Variants in ARVCF observed in about 807,000 individuals in gnomAD.
ARVCF encodes the protein splicing regulator ARVCF.
Under a neutral mutation model 90.9 loss-of-function variants are expected in ARVCF, and 66 were observed. That is an observed-to-expected ratio of 0.73 (90% CI 0.60 to 0.89). ARVCF has a LOEUF of 0.89. Ranked by LOEUF, ARVCF falls within the 40% of genes least tolerant of loss-of-function variation. The pLI, the probability that ARVCF is intolerant of heterozygous loss-of-function variation, is 0.00. For synonymous variants in ARVCF, 653 were observed against 603.4 expected (o/e 1.08, Z -1.21); for missense variants, 1,469 against 1,382.3 (o/e 1.06, Z -1.00).
At chr22:20,006,554 G>C (rs1271562103) in intron 2 of ARVCF, among the ~76,000 whole-genome samples, 3 of 139,052 alleles carry the variant, frequency 2.2e-5, no homozygotes, top group Non-Finnish European at 4.7e-5. Context: ...ACTCCAGCCT[G>C]GGCGGTAGAG....
intron 2 of ARVCF, among the ~76,000 whole-genome samples, chr22:20,008,356 C>A (rs1056217587): frequency 6.6e-6 from 1 of 152,222 alleles, no homozygotes; most frequent in Admixed American, 6.5e-5. Context: ...CCCGCCAGCC[C>A]TTCTCACTCA....
In ARVCF at chr22:19,970,769, C is replaced by T. The variant is rs376216779; in HGVS notation, c.*13-26G>A. 1,052 of 1,291,976 alleles carry T rather than the reference C, an allele frequency of 8.1e-4. 1 individual carries two copies. Among genetic ancestry groups the T allele is most frequent in the East Asian group, 5.0e-3 (91 of 18,096 alleles). The allele number at this position is 1,291,976 out of a possible 1,614,324, so 80.0% of individuals were successfully genotyped here. A position where few individuals can be genotyped will look rare whatever the true frequency, so the allele number is the denominator to read the frequency against. On this transcript the variant is annotated intron_variant, in intron 19 of 19. Coordinates refer to ENST00000263207, the MANE Select transcript of ARVCF (RefSeq NM_001670.3). ...CTGCAGAGGGAAAGGGGATGGTGGA[C>T]GCTGCAGCCACTGAGTGGCACAGGA...
chr22:19,982,823 C>T (rs1196434051), intron 3 of ARVCF, among the ~76,000 whole-genome samples: 1 of 152,218 alleles, frequency 6.6e-6, no homozygotes, highest in Non-Finnish European at 1.5e-5. Context: ...GACTGAGACT[C>T]TGGGCATCAT....
intron 2 of ARVCF, among the ~76,000 whole-genome samples, chr22:19,999,371 G>C (rs1040464107): frequency 6.6e-6 from 1 of 152,194 alleles, no homozygotes; most frequent in African/African-American, 2.4e-5. Flanking sequence ...CCCAGGGAGA[G>C]ATCCATCCTT....
In ARVCF at chr22:19,981,444, G is replaced by T. The variant is rs760083493; in HGVS notation, c.663C>A (p.Gly221=). 6.4e-7 allele frequency: 1 copy of T among 1,560,552 alleles called. No individual in the cohort carries two copies. The highest frequency in any genetic ancestry group is 1.9e-5 in the Admixed American group (1 of 52,310). ...RPPRAGPLGP[G]PGDGCFTLPG... ...GCAGTGTGAAGCAGCCATCACCAGG[G>T]CCTGGGCCAAGGGGGCCAGCACGTG... Residue 221 remains glycine (G), a synonymous_variant, in exon 5 of 20, where the codon GGC becomes GGA. Coordinates refer to ENST00000263207, the MANE Select transcript of ARVCF (RefSeq NM_001670.3).
intron 3 of ARVCF, among the ~76,000 whole-genome samples, chr22:19,983,160 G>A (rs1406009972): frequency 6.6e-6 from 1 of 152,258 alleles, no homozygotes; most frequent in African/African-American, 2.4e-5. Flanking sequence ...AGGATGGGCA[G>A]GAGCTGAAAC....
intron 1 of ARVCF, among the ~76,000 whole-genome samples, chr22:20,014,344 G>A (rs1601697907): frequency 6.6e-6 from 1 of 150,962 alleles, no homozygotes; most frequent in Non-Finnish European, 1.5e-5. Flanking sequence ...ACAGGCGCAT[G>A]CCACCATGCC....
intron 2 of ARVCF, among the ~76,000 whole-genome samples, chr22:19,994,864 G>A (rs1944182643): frequency 1.3e-5 from 2 of 149,630 alleles, no homozygotes; most frequent in Admixed American, 1.3e-4. Context: ...GAGAAAAACA[G>A]ACGCATAGAT....
In ARVCF at chr22:19,970,630, C is replaced by T. The variant is rs577071130; in HGVS notation, c.*126G>A. 122 of 1,275,182 alleles carry T rather than the reference C, an allele frequency of 9.6e-5. 1 individual carries two copies. In the South Asian group the frequency reaches 1.4e-3, roughly 15 times the overall value. The allele number at this position is 1,275,182 out of a possible 1,614,324, so 79.0% of individuals were successfully genotyped here. ...TCCCCAAAGTCAGGCTTGGCTGGGG[C>T]GAGGCGCTGCCAACCCCTGCCGCCA... On this transcript the variant is annotated 3_prime_UTR_variant, in exon 20 of 20. Coordinates refer to ENST00000263207, the MANE Select transcript of ARVCF (RefSeq NM_001670.3).
Position 19,999,470 on chromosome 22 carries a change from C to T in ARVCF, c.-18-8658G>A, listed in dbSNP as rs558253320. ...CTGGGTCAGCAAGCACTTGCTGCACCCCCAATGGAGGCCCTCACCACACCC... is the reference window on the plus strand; with the variant it reads ...CTGGGTCAGCAAGCACTTGCTGCACTCCCAATGGAGGCCCTCACCACACCC... On this transcript the variant is annotated intron_variant, in intron 2 of 19. Transcript: ENST00000263207. 2.0e-5 allele frequency among the ~76,000 whole-genome samples: 3 copies of T among 152,300 alleles called. No homozygotes were observed. The South Asian group carries it at 6.2e-4, about 32-fold the overall frequency.
At position 19,993,184 on chromosome 22, in the gene ARVCF, C is replaced by T. The variant is rs183490697; in HGVS notation, c.-18-2372G>A. Among the ~76,000 whole-genome samples the T allele has an allele frequency of 6.7e-3, 1,016 of 151,986 alleles. 5 individuals are homozygous for T. The highest frequency in any genetic ancestry group is 0.011 in the Non-Finnish European group (717 of 67,948). On this transcript the variant is annotated intron_variant, in intron 2 of 19. Transcript: ENST00000263207. ...GCCCTAGGCCCGCAGGTCATGGCCT[C>T]GGCATCTCAGGTGTCTCAAGAGCAA...
chr22:19,979,914 G>A lies in ARVCF; in HGVS notation c.1225C>T (p.Leu409=), dbSNP rs1018605599. Residue 409 remains leucine (L), a synonymous_variant, in exon 6 of 20, where the codon CTG becomes TTG. Transcript: ENST00000263207. ...LRGLPLLVAL[L]DHPRAEVRRR... Reference sequence around the variant, plus strand: ...CGCACCTCAGCCCGCGGGTGGTCCAGCAGTGCCACAAGCAGCGGCAGCCCC... The same window carrying A: ...CGCACCTCAGCCCGCGGGTGGTCCAACAGTGCCACAAGCAGCGGCAGCCCC... 4 of 1,599,496 alleles carry A rather than the reference G, an allele frequency of 2.5e-6. No individual in the cohort carries two copies. The highest frequency in any genetic ancestry group is 3.4e-6 in the Non-Finnish European group (4 of 1,173,822).
intron 5 of ARVCF, 104 bp from the exon 6 acceptor site, chr22:19,980,346 G>C (rs1943425794): frequency 7.1e-7 from 1 of 1,408,944 alleles, no homozygotes; most frequent in Non-Finnish European, 9.3e-7. Flanking sequence ...TCACCCAGCA[G>C]CGCTGGGCTG....
At chr22:19,965,866 G>C (rs1942364012), downstream of ARVCF, among the ~76,000 whole-genome samples, 1 of 152,176 alleles carries the variant, frequency 6.6e-6, no homozygotes, top group African/African-American at 2.4e-5. Flanking sequence ...GTAGCTGGAG[G>C]GGGGCTCACC....
rs563774001 is a variant in ARVCF at position 19,979,936 on chromosome 22, C to T, written c.1203G>A (p.Gly401=). ...CCAGCAGTGCCACAAGCAGCGGCAG[C>T]CCCCGCAACTGCCGTACACGCCGCT... ...GVKRRVRQLR[G]LPLLVALLDH... is the part of the protein sequence containing the mutation. Residue 401 remains glycine, a synonymous_variant, in exon 6 of 20, where the codon GGG becomes GGA. Transcript: ENST00000263207. The T allele has an allele frequency of 2.5e-6, 4 of 1,595,030 alleles. No individual in the cohort carries two copies. The highest frequency in any genetic ancestry group is 3.3e-4 in the Middle Eastern group (2 of 6,052).
intron 2 of ARVCF, among the ~76,000 whole-genome samples, chr22:20,006,233 T>C (rs568568730): frequency 2.0e-4 from 31 of 152,306 alleles, no homozygotes; most frequent in African/African-American, 4.3e-4. Flanking sequence ...ATGGTTAAGA[T>C]AGTAAATTTT....
At chr22:20,000,146 C>G (rs1569187633) in intron 2 of ARVCF, among the ~76,000 whole-genome samples, 2 of 152,218 alleles carry the variant, frequency 1.3e-5, no homozygotes, top group East Asian at 3.9e-4. Flanking sequence ...GATCTTGACC[C>G]AGCATGAAGT....
At chr22:19,982,611 G>T (rs1004477221) in intron 3 of ARVCF, among the ~76,000 whole-genome samples, 2 of 152,178 alleles carry the variant, frequency 1.3e-5, no homozygotes, top group Non-Finnish European at 2.9e-5. Flanking sequence ...TTTCAGCACT[G>T]CCTACTGACT....
intron 3 of ARVCF, among the ~76,000 whole-genome samples, chr22:19,986,910 GC>G (rs1177630843): frequency 6.6e-6 from 1 of 152,214 alleles, no homozygotes; most frequent in African/African-American, 2.4e-5. Context: ...CACCCGCCCG[GC>G]CCTGGCCCCA....
Sources: allele counts gnomAD v4.1 joint callset (sites outside exome capture counted in the v4.1 genomes callset), GRCh38; gene constraint gnomAD v4.1.1; transcripts MANE v1.5; gene names NCBI Gene and HGNC (gene_info 2026-07-23, HGNC 2026-07-21).